The following PLCB4 variants were observed in gnomAD, a reference collection of about 807,000 sequenced individuals.
The protein encoded by PLCB4 is phospholipase C beta 4.
Under a neutral mutation model 178.8 loss-of-function variants are expected in PLCB4, and 77 were observed. That is an observed-to-expected ratio of 0.43 (90% CI 0.36 to 0.52). PLCB4 has a LOEUF of 0.52. Among genes scored for constraint, PLCB4 ranks in the 20% least tolerant of loss-of-function variants. PLCB4 has a pLI of 0.00. For missense variants in PLCB4, 1,024 were observed against 1,453.4 expected (o/e 0.70, Z 4.80); for synonymous variants, 496 against 490.8 (o/e 1.01, Z -0.14).
intron 18 of PLCB4, among the ~76,000 whole-genome samples, chr20:9,394,912 T>C (rs2038446926): frequency 6.6e-6 from 1 of 152,218 alleles, no homozygotes; most frequent in Admixed American, 6.5e-5. Flanking sequence ...AAAAAATTGG[T>C]ACCTTAGGGG....
chr20:9,464,191 A>T (rs1376888813), intron 35 of PLCB4, among the ~76,000 whole-genome samples: 1 of 152,246 alleles, frequency 6.6e-6, no homozygotes, highest in African/African-American at 2.4e-5. Context: ...TGGGTAAATA[A>T]TGGAATGAAG....
At chr20:9,413,573 G>T (rs2040019675) in intron 25 of PLCB4, among the ~76,000 whole-genome samples, 1 of 150,844 alleles carries the variant, frequency 6.6e-6, no homozygotes, top group Non-Finnish European at 1.5e-5. Flanking sequence ...GCAGGAGAAT[G>T]TCGTGAACCT....
At chr20:9,367,176 T>C (rs75674339) in intron 9 of PLCB4, among the ~76,000 whole-genome samples, 160 of 152,374 alleles carry the variant, frequency 1.1e-3, no homozygotes, top group African/African-American at 3.6e-3. Context: ...CTCAATCTTG[T>C]ATATTAAACA....
At chr20:9,273,003 A>G (rs2094419288) in intron 3 of PLCB4, among the ~76,000 whole-genome samples, 1 of 151,950 alleles carries the variant, frequency 6.6e-6, no homozygotes, top group South Asian at 2.1e-4. Flanking sequence ...AGGAGAAAAT[A>G]TATCCATGTA....
At chr20:9,404,152 T>G (rs1192704533) in intron 20 of PLCB4, among the ~76,000 whole-genome samples, 1 of 152,020 alleles carries the variant, frequency 6.6e-6, no homozygotes, top group African/African-American at 2.4e-5. Context: ...AGAGATTAGT[T>G]TTGCAGGAAA....
At chr20:9,475,825 C>T (rs1392906543) in intron 38 of PLCB4, among the ~76,000 whole-genome samples, 1 of 152,130 alleles carries the variant, frequency 6.6e-6, no homozygotes, top group Non-Finnish European at 1.5e-5. Context: ...CATTTCTTTC[C>T]TCATAAAAAG....
chr20:9,380,989 A>G (rs1384340938), intron 13 of PLCB4, among the ~76,000 whole-genome samples: 2 of 152,024 alleles, frequency 1.3e-5, no homozygotes, highest in Non-Finnish European at 2.9e-5. Flanking sequence ...TCTGTATGTT[A>G]TCTGGACCCT....
chr20:9,148,786 A>C (rs538736426), intron 2 of PLCB4, among the ~76,000 whole-genome samples: 5 of 152,330 alleles, frequency 3.3e-5, no homozygotes, highest in African/African-American at 1.2e-4. Flanking sequence ...TGTTTTCGTG[A>C]TGGAAATATT....
At chr20:9,147,461 G>T (rs774745815) in intron 2 of PLCB4, among the ~76,000 whole-genome samples, 1 of 152,098 alleles carries the variant, frequency 6.6e-6, no homozygotes, top group Non-Finnish European at 1.5e-5. Flanking sequence ...AAGTTTCGGG[G>T]GGTTCAGCTG....
intron 4 of PLCB4, among the ~76,000 whole-genome samples, chr20:9,321,952 C>CTTTTTTTTTTT (rs746419205): frequency 3.6e-5 from 5 of 140,080 alleles, no homozygotes; most frequent in South Asian, 2.3e-4. Context: ...TTTTCTTTTT[C>CTTTTTTTTTTT]TTTTTTTTTT....
chr20:9,346,774 T>C (rs1327785098), intron 7 of PLCB4, among the ~76,000 whole-genome samples: 2 of 152,192 alleles, frequency 1.3e-5, no homozygotes, highest in African/African-American at 4.8e-5. Flanking sequence ...CCTAAGAGTT[T>C]TCTTTTTGCC....
intron 4 of PLCB4, among the ~76,000 whole-genome samples, chr20:9,312,632 A>C (rs1380970413): frequency 1.3e-5 from 2 of 152,284 alleles, no homozygotes; most frequent in East Asian, 3.9e-4. Context: ...AGCAAAGCAA[A>C]GCGCTTTCCA....
Position 9,401,548 on chromosome 20 carries a change from T to C in PLCB4, c.1569T>C (p.Asp523=). 3 of 1,613,908 alleles carry C rather than the reference T, an allele frequency of 1.9e-6. No individual in the cohort carries two copies. The highest frequency in any genetic ancestry group is 2.5e-6 in the Non-Finnish European group (3 of 1,179,864). Residue 523 remains aspartate, a synonymous_variant, in exon 20 of 40, where the codon GAT becomes GAC. Transcript: ENST00000378473. ...EFKFGNELSA[D]DLGHKEAVAN... Reference sequence around the variant, plus strand: ...AATTTGGAAATGAACTTTCTGCTGATGACTTGGGTCACAAGGAAGCTGTTG... The same window carrying C: ...AATTTGGAAATGAACTTTCTGCTGACGACTTGGGTCACAAGGAAGCTGTTG...
At chr20:9,236,782 T>C (rs531466403) in intron 3 of PLCB4, among the ~76,000 whole-genome samples, 11 of 152,332 alleles carry the variant, frequency 7.2e-5, no homozygotes, top group African/African-American at 2.6e-4. Context: ...AACAGCTGAA[T>C]GCTATTTAAT....
chr20:9,201,632 C>T (rs556995900), intron 2 of PLCB4, among the ~76,000 whole-genome samples: 46 of 152,060 alleles, frequency 3.0e-4, no homozygotes, highest in African/African-American at 1.1e-3. Context: ...ACATGGTACT[C>T]TAACATTTGA....
At chr20:9,225,295 G>T (rs2093849510) in intron 3 of PLCB4, among the ~76,000 whole-genome samples, 1 of 152,156 alleles carries the variant, frequency 6.6e-6, no homozygotes, top group Non-Finnish European at 1.5e-5. Context: ...AATTATAGTA[G>T]TGGGATACAT....
intron 32 of PLCB4, among the ~76,000 whole-genome samples, chr20:9,449,845 C>T (rs78293112): frequency 2.6e-4 from 40 of 152,256 alleles, no homozygotes; most frequent in African/African-American, 9.4e-4. Flanking sequence ...ACCTTAGTAC[C>T]AGACCTATAA....
intron 1 of PLCB4, among the ~76,000 whole-genome samples, chr20:9,091,966 A>G (rs1231709323): frequency 6.6e-6 from 1 of 152,058 alleles, no homozygotes; most frequent in Non-Finnish European, 1.5e-5. Context: ...TTTATGTTGT[A>G]TCAAGAGAGA....
chr20:9,140,397 C>T (rs560245789), intron 2 of PLCB4, among the ~76,000 whole-genome samples: 18 of 152,238 alleles, frequency 1.2e-4, no homozygotes, highest in African/African-American at 4.3e-4. Flanking sequence ...GTCTGTCTTC[C>T]TCAGGGCTGC....
Sources: allele counts gnomAD v4.1 joint callset (sites outside exome capture counted in the v4.1 genomes callset), GRCh38; gene constraint gnomAD v4.1.1; transcripts MANE v1.5; gene names NCBI Gene and HGNC (gene_info 2026-07-23, HGNC 2026-07-21).